PDLIM5: variants seen among roughly 807,000 people sequenced by gnomAD.
PDLIM5 encodes PDZ and LIM domain 5.
In PDLIM5, 34 loss-of-function variants were observed where a neutral mutation model predicts 64.2. The ratio of observed to expected loss-of-function variants is 0.53; its 90% CI spans 0.40 to 0.71. The LOEUF (loss-of-function observed/expected upper bound fraction) is 0.71. PDLIM5 is among the 30% of genes least tolerant of loss of function. PDLIM5 has a pLI of 0.00. For missense variants in PDLIM5, 683 were observed against 733.6 expected (o/e 0.93, Z 0.80); for synonymous variants, 253 against 269.1 (o/e 0.94, Z 0.59).
At chr4:94,661,707 A>G (rs1450325650) in intron 11 of PDLIM5, among the ~76,000 whole-genome samples, 1 of 152,130 alleles carries the variant, frequency 6.6e-6, no homozygotes, top group Admixed American at 6.5e-5. Flanking sequence ...AAATTTGCCA[A>G]TATCAGATTT....
intron 2 of PDLIM5, among the ~76,000 whole-genome samples, chr4:94,471,657 C>A (rs1294945366): frequency 6.6e-6 from 1 of 152,044 alleles, no homozygotes; most frequent in African/African-American, 2.4e-5. Context: ...GTGTAATTTA[C>A]CAGCTGTAAT....
At chr4:94,514,509 G>T (rs1560669385) in intron 2 of PDLIM5, among the ~76,000 whole-genome samples, 1 of 152,028 alleles carries the variant, frequency 6.6e-6, no homozygotes, top group Non-Finnish European at 1.5e-5. Flanking sequence ...TTCTTTTTCT[G>T]ATGTGTCTTT....
rs188524029 is a variant in PDLIM5, at chr4:94,553,270, G to A, written c.249-20081G>A. Among the ~76,000 whole-genome samples, 689 of 152,044 alleles carry A rather than the reference G, an allele frequency of 4.5e-3. 20 individuals carry two copies. The highest frequency in any genetic ancestry group is 0.041 in the Admixed American group (626 of 15,250). On this transcript the variant is annotated intron_variant, in intron 3 of 12. Transcript: ENST00000317968. ...ATTACAGGTGCATGCCAGAATGCCC[G>A]GCTGATTTTTGCATTTTTAATAGAG... is the stretch of plus-strand genomic sequence containing the variant.
chr4:94,517,896 T>C (rs957333770), intron 2 of PDLIM5, among the ~76,000 whole-genome samples: 13 of 152,208 alleles, frequency 8.5e-5, no homozygotes, highest in African/African-American at 1.2e-4. Context: ...TTCTATTTAG[T>C]AAACATCTGA....
At chr4:94,571,397 T>A (rs751684705) in intron 3 of PDLIM5, among the ~76,000 whole-genome samples, 9 of 152,210 alleles carry the variant, frequency 5.9e-5, no homozygotes, top group Non-Finnish European at 1.0e-4. Flanking sequence ...GAACTGAGGA[T>A]ACTACTGGGC....
chr4:94,480,101 C>T (rs1422286473), intron 2 of PDLIM5, among the ~76,000 whole-genome samples: 1 of 152,164 alleles, frequency 6.6e-6, no homozygotes, highest in Non-Finnish European at 1.5e-5. Context: ...AATATGACTT[C>T]TCTTACTCAC....
intron 3 of PDLIM5, among the ~76,000 whole-genome samples, chr4:94,565,361 C>T (rs1179421048): frequency 6.6e-6 from 1 of 152,186 alleles, no homozygotes; most frequent in African/African-American, 2.4e-5. Context: ...GTAGTCAAAA[C>T]AAAATTAGAA....
intron 2 of PDLIM5, among the ~76,000 whole-genome samples, chr4:94,522,262 A>G (rs1448968986): frequency 6.6e-6 from 1 of 152,250 alleles, no homozygotes; most frequent in African/African-American, 2.4e-5. Context: ...AAAGTGGCGT[A>G]TAGCTCACTC....
intron 8 of PDLIM5, among the ~76,000 whole-genome samples, chr4:94,625,965 C>A (rs1298912270): frequency 6.6e-6 from 1 of 152,026 alleles, no homozygotes; most frequent in Non-Finnish European, 1.5e-5. Flanking sequence ...GTTTATGATT[C>A]TTTTTTAGAA....
intron 8 of PDLIM5, among the ~76,000 whole-genome samples, chr4:94,634,014 G>T (rs982537971): frequency 6.6e-6 from 1 of 152,256 alleles, no homozygotes; most frequent in Non-Finnish European, 1.5e-5. Context: ...TAATCAGGGG[G>T]CCAGCATGTC....
At chr4:94,478,054 G>A (rs1725484745) in intron 2 of PDLIM5, among the ~76,000 whole-genome samples, 2 of 151,922 alleles carry the variant, frequency 1.3e-5, no homozygotes, top group African/African-American at 2.4e-5. Flanking sequence ...TCAGGAGTTC[G>A]AGACCAGCCT....
chr4:94,609,627 T>C (rs1690810302), intron 7 of PDLIM5, among the ~76,000 whole-genome samples: 1 of 152,190 alleles, frequency 6.6e-6, no homozygotes, highest in Non-Finnish European at 1.5e-5. Context: ...TAAACAATTA[T>C]CTCTTTTCAT....
chr4:94,523,665 T>C, intron 2 of PDLIM5, 59 bp from the exon 3 acceptor site: 2 of 1,331,084 alleles, frequency 1.5e-6, no homozygotes, highest in Middle Eastern at 1.9e-4. Context: ...ATAATTTTTA[T>C]CAGCATTTAT....
At position 94,581,933 on chromosome 4, in the gene PDLIM5, A is replaced by G. The variant is rs73837446; in HGVS notation, c.711-3632A>G. The stretch of plus-strand genomic sequence containing the variant: ...GACACGCCTTCTGGGCAATAATTAT[A>G]TCACTGATAATACAGAGCTATGGAA... On this transcript the variant is annotated intron_variant, in intron 5 of 12. Transcript: ENST00000317968. Among the ~76,000 whole-genome samples, 1,171 of 152,314 alleles carry G rather than the reference A, an allele frequency of 7.7e-3. 20 individuals are homozygous for G. Among genetic ancestry groups the G allele is most frequent in the African/African-American group, 0.027 (1,108 of 41,564 alleles).
At chr4:94,461,181 G>T (rs1443522865) in intron 2 of PDLIM5, among the ~76,000 whole-genome samples, 2 of 152,160 alleles carry the variant, frequency 1.3e-5, no homozygotes, top group Non-Finnish European at 2.9e-5. Context: ...ATTTAGCATC[G>T]TATGAGAGAG....
At position 94,544,394 on chromosome 4, in the gene PDLIM5, G is replaced by A. The variant is rs73833959; in HGVS notation, c.248+20519G>A. 5.1e-3 allele frequency among the ~76,000 whole-genome samples: 782 copies of A among 152,184 alleles called. 8 individuals carry two copies. Among genetic ancestry groups the A allele is most frequent in the African/African-American group, 0.018 (748 of 41,538 alleles). Reference sequence around the variant, plus strand: ...ATATAGGTACATATTCTTTTTTGTTGTGTTTTGAAGACAAAAGCATAGATT... The same window carrying A: ...ATATAGGTACATATTCTTTTTTGTTATGTTTTGAAGACAAAAGCATAGATT... On this transcript the variant is annotated intron_variant, in intron 3 of 12. Coordinates refer to ENST00000317968, the MANE Select transcript of PDLIM5 (RefSeq NM_006457.5).
chr4:94,507,571 A>G (rs1156567368), intron 2 of PDLIM5, among the ~76,000 whole-genome samples: 1 of 152,210 alleles, frequency 6.6e-6, no homozygotes, highest in East Asian at 1.9e-4. Flanking sequence ...TGGCAAACTA[A>G]TCTAACTCTG....
At chr4:94,585,061 C>T in intron 5 of PDLIM5, 2 of 873,066 alleles carry the variant, frequency 2.3e-6, no homozygotes, top group Non-Finnish European at 3.6e-6. Flanking sequence ...ATTATAAGTG[C>T]AGTTTTTTAC....
At chr4:94,638,128 A>G (rs1383686448) in intron 8 of PDLIM5, among the ~76,000 whole-genome samples, 1 of 152,196 alleles carries the variant, frequency 6.6e-6, no homozygotes, top group Non-Finnish European at 1.5e-5. Flanking sequence ...TTTAAAGATA[A>G]TAACAGGTGT....
Sources: gnomAD v4.1 joint callset for allele counts (sites outside exome capture counted in the v4.1 genomes callset) on GRCh38, gnomAD v4.1.1 for gene constraint, MANE v1.5 for transcripts, NCBI Gene and HGNC (gene_info 2026-07-23, HGNC 2026-07-21) for gene names.